SLC9A9: variants seen among roughly 807,000 people sequenced by gnomAD.
The protein encoded by SLC9A9 is sodium/hydrogen exchanger 9.
Under a neutral mutation model 77.8 loss-of-function variants are expected in SLC9A9, and 62 were observed. The ratio of observed to expected loss-of-function variants is 0.80; its 90% CI spans 0.65 to 0.98. The LOEUF is 0.98. SLC9A9 is among the 50% of genes least tolerant of loss of function. The pLI is 0.00. For synonymous variants in SLC9A9, 320 were observed against 283.5 expected (o/e 1.13, Z -1.29); for missense variants, 775 against 774.9 (o/e 1.00, Z 0.00).
intron 6 of SLC9A9, among the ~76,000 whole-genome samples, chr3:143,643,866 C>T (rs1442296483): frequency 1.3e-5 from 2 of 151,620 alleles, no homozygotes; most frequent in African/African-American, 2.4e-5. Context: ...TAATTCCCTT[C>T]GAGTATTATG....
chr3:143,832,339 T>A, intron 1 of SLC9A9, 118 bp from the exon 2 acceptor site: 1 of 878,360 alleles, frequency 1.1e-6, no homozygotes. Context: ...GGTTATTGCC[T>A]GGTCTAGAAA....
chr3:143,400,597 G>T (rs1192324617), intron 12 of SLC9A9, among the ~76,000 whole-genome samples: 1 of 151,828 alleles, frequency 6.6e-6, no homozygotes, highest in Non-Finnish European at 1.5e-5. Context: ...TACTACTCGG[G>T]TGATAGGTGC....
intron 9 of SLC9A9, among the ~76,000 whole-genome samples, chr3:143,535,515 A>C (rs2036577196): frequency 6.6e-6 from 1 of 152,198 alleles, no homozygotes; most frequent in Admixed American, 6.5e-5. Flanking sequence ...AATATTAAGC[A>C]GCAAAATGCA....
In SLC9A9 at chr3:143,467,073, C is replaced by T. The variant is rs766148122; in HGVS notation, c.1433G>A (p.Gly478Glu). ...LVFFTVWVFGGGTTPMLTWLQ... is the reference protein window; with the variant it reads ...LVFFTVWVFGEGTTPMLTWLQ... ...CCAAGTCAACATGGGGGTTGTTCCT[C>T]CTCCAAATACCCAGACAGTGAAGAA... Residue 478 changes from glycine (G) to glutamate (E), a missense_variant, in exon 12 of 16, where the codon GGA (glycine) becomes GAA (glutamate). Physicochemically the swap from Gly to Glu is moderately conservative, Grantham distance 98. Coordinates refer to ENST00000316549, the MANE Select transcript of SLC9A9 (RefSeq NM_173653.4). The T allele has an allele frequency of 1.2e-5, 19 of 1,613,862 alleles. No individual in the cohort carries two copies. Among genetic ancestry groups the T allele is most frequent in the Non-Finnish European group, 1.6e-5 (19 of 1,179,970 alleles).
Position 143,789,933 on chromosome 3 carries a change from G to A in SLC9A9, c.533+5068C>T, listed in dbSNP as rs372340364. 7.0e-4 allele frequency among the ~76,000 whole-genome samples: 107 copies of A among 152,238 alleles called. No individual in the cohort carries two copies. In the South Asian group the frequency reaches 0.015, roughly 22 times the overall value. On this transcript the variant is annotated intron_variant, in intron 4 of 15. Coordinates refer to ENST00000316549, the MANE Select transcript of SLC9A9 (RefSeq NM_173653.4). ...TCCATGTTTTCCTGAGTGAGTTACC[G>A]AGTCCAGCATTCTAGCTGATATGGT...
At chr3:143,405,074 G>GT (rs2033948803) in intron 12 of SLC9A9, among the ~76,000 whole-genome samples, 1 of 152,188 alleles carries the variant, frequency 6.6e-6, no homozygotes, top group Non-Finnish European at 1.5e-5. Flanking sequence ...CCAAGGGGGT[G>GT]TAACCCAGCA....
At chr3:143,803,951 C>T (rs1260467885) in intron 2 of SLC9A9, among the ~76,000 whole-genome samples, 16 of 152,158 alleles carry the variant, frequency 1.1e-4, no homozygotes, top group Admixed American at 1.0e-3. Flanking sequence ...CAGCAAGCTG[C>T]CGTCCTCCTC....
chr3:143,847,179 T>C (rs1357132682), intron 1 of SLC9A9, among the ~76,000 whole-genome samples: 1 of 152,188 alleles, frequency 6.6e-6, no homozygotes, highest in Non-Finnish European at 1.5e-5. Context: ...GGTTTCAGGA[T>C]TTCCAAAATG....
chr3:143,801,777 G>A (rs2008566673), intron 2 of SLC9A9, among the ~76,000 whole-genome samples: 1 of 152,118 alleles, frequency 6.6e-6, no homozygotes. Context: ...CGAACTCATT[G>A]CCTTAACTCG....
At chr3:143,331,188 C>T (rs1209214815) in intron 14 of SLC9A9, among the ~76,000 whole-genome samples, 1 of 152,134 alleles carries the variant, frequency 6.6e-6, no homozygotes, top group Non-Finnish European at 1.5e-5. Context: ...CCACATATAG[C>T]AGCTGATCAG....
intron 14 of SLC9A9, among the ~76,000 whole-genome samples, chr3:143,340,072 G>A (rs1215513555): frequency 2.0e-5 from 3 of 152,114 alleles, no homozygotes; most frequent in Admixed American, 6.6e-5. Flanking sequence ...TTGGAATCAC[G>A]GTTGATTAAA....
chr3:143,465,663 T>C (rs2035269361), intron 12 of SLC9A9, among the ~76,000 whole-genome samples: 2 of 152,180 alleles, frequency 1.3e-5, no homozygotes, highest in Admixed American at 1.3e-4. Flanking sequence ...GATCTACCTA[T>C]TGAATTTTGT....
chr3:143,788,647 C>T (rs143992986), intron 4 of SLC9A9, among the ~76,000 whole-genome samples: 182 of 142,274 alleles, frequency 1.3e-3, no homozygotes, highest in African/African-American at 4.4e-3. Flanking sequence ...GGTGAGATCA[C>T]GCCATTGCAC....
At chr3:143,290,064 G>T (rs1313248164) in intron 14 of SLC9A9, among the ~76,000 whole-genome samples, 1 of 152,154 alleles carries the variant, frequency 6.6e-6, no homozygotes, top group Non-Finnish European at 1.5e-5. Flanking sequence ...GAACTCAAGG[G>T]TCAGATGCTC....
chr3:143,285,226 C>G (rs953351863), intron 14 of SLC9A9, among the ~76,000 whole-genome samples: 12 of 152,132 alleles, frequency 7.9e-5, no homozygotes, highest in Non-Finnish European at 1.6e-4. Context: ...AATGCTAGCC[C>G]TCTCCTAGCC....
chr3:143,626,633 G>A (rs1430375608), intron 6 of SLC9A9: 1 of 151,970 alleles, frequency 6.6e-6, no homozygotes, highest in African/African-American at 2.4e-5. Flanking sequence ...GGGGGATGGG[G>A]GAGGGATAGC....
At chr3:143,408,961 G>A (rs796806852) in intron 12 of SLC9A9, among the ~76,000 whole-genome samples, 5 of 152,316 alleles carry the variant, frequency 3.3e-5, no homozygotes, top group African/African-American at 1.2e-4. Flanking sequence ...AAAAGGAAAA[G>A]ACAAAAGAAC....
At chr3:143,665,192 C>T (rs751648824) in intron 5 of SLC9A9, among the ~76,000 whole-genome samples, 6 of 152,140 alleles carry the variant, frequency 3.9e-5, no homozygotes, top group African/African-American at 1.4e-4. Flanking sequence ...CACTCAAAAC[C>T]GCTCAACTAC....
rs549874742 is a variant in SLC9A9 at position 143,540,819 on chromosome 3, C to G, written c.1089+11543G>C. On this transcript the variant is annotated intron_variant, in intron 9 of 15. Coordinates refer to ENST00000316549, the MANE Select transcript of SLC9A9 (RefSeq NM_173653.4). ...TTTATGTGAACATTAATAAGAATAA[C>G]TTATATGAAACATATATGTTCAGTG... Among the ~76,000 whole-genome samples, 5 of 152,236 alleles carry G rather than the reference C, an allele frequency of 3.3e-5. No individual in the cohort carries two copies. In the South Asian group the frequency reaches 1.0e-3, roughly 32 times the overall value.
Sources: gnomAD v4.1 joint callset for allele counts (sites outside exome capture counted in the v4.1 genomes callset) on GRCh38, gnomAD v4.1.1 for gene constraint, MANE v1.5 for transcripts, NCBI Gene and HGNC (gene_info 2026-07-23, HGNC 2026-07-21) for gene names.